Variants in DLGAP1 observed in about 807,000 individuals in gnomAD.
DLGAP1 encodes the protein DLG associated protein 1.
DLGAP1 carries 11 observed loss-of-function variants against 90.8 expected under a neutral mutation model. That is an observed-to-expected ratio of 0.12 (90% CI 0.08 to 0.20). The LOEUF (loss-of-function observed/expected upper bound fraction) is 0.20. Ranked by LOEUF, DLGAP1 falls within the 10% of genes least tolerant of loss-of-function variation. DLGAP1 has a pLI of 1.00. For missense variants in DLGAP1, 1,050 were observed against 1,333.8 expected, an observed-to-expected ratio of 0.79 and a Z score of 3.31; for synonymous variants, 558 against 540.7, an observed-to-expected ratio of 1.03 and a Z score of -0.44.
chr18:3,991,985 T>C (rs2073978940), intron 3 of DLGAP1, among the ~76,000 whole-genome samples: 2 of 152,224 alleles, frequency 1.3e-5, no homozygotes, highest in South Asian at 4.1e-4. Flanking sequence ...TTTTACATCA[T>C]AAAGTACTTC....
At position 3,587,803 on chromosome 18, in the gene DLGAP1, GTAACACTCACCA is replaced by G. The variant is rs1283966056; in HGVS notation, c.1592-5567_1592-5556del. Among the ~76,000 whole-genome samples the G allele has an allele frequency of 3.3e-5, 5 of 152,300 alleles. No homozygotes were observed. In the East Asian group the frequency reaches 9.7e-4, roughly 29 times the overall value. On this transcript the variant is annotated intron_variant, in intron 7 of 12. Transcript: ENST00000315677. ...TCCGCACACACCAGCTTTAAGAGCTGTAACACTCACCATGAGGGTCCGCGGCTTCATTCTTGA... is the reference window on the plus strand; with the variant it reads ...TCCGCACACACCAGCTTTAAGAGCTGTGAGGGTCCGCGGCTTCATTCTTGA...
chr18:3,597,070 T>G (rs1234862881), intron 7 of DLGAP1: 1 of 520,018 alleles, frequency 1.9e-6, no homozygotes, highest in South Asian at 1.4e-5. Flanking sequence ...TTCTTCTTCA[T>G]TCTTTTCACT....
intron 9 of DLGAP1, among the ~76,000 whole-genome samples, chr18:3,539,264 G>T (rs1265715081): frequency 1.3e-5 from 2 of 152,180 alleles, no homozygotes; most frequent in Non-Finnish European, 2.9e-5. Flanking sequence ...TTTTTTGAAA[G>T]AATTGATCAG....
chr18:4,077,811 C>T (rs12962966), intron 2 of DLGAP1, among the ~76,000 whole-genome samples: 19,591 of 152,178 alleles, frequency 0.13, 1,353 homozygotes, highest in Middle Eastern at 0.19. Context: ...AGTATACAGG[C>T]CCCAAATCCC....
chr18:3,742,949 TCTTCCTTCCTTCCTTC>T (rs143048862), intron 5 of DLGAP1, among the ~76,000 whole-genome samples: 15,910 of 142,706 alleles, frequency 0.11, 944 homozygotes, highest in South Asian at 0.17. Context: ...TATCAATTTA[TCTTCCTTCCTTCCTTC>T]CTTCCTTCCT....
chr18:3,611,456 C>T (rs2057622665), intron 7 of DLGAP1, among the ~76,000 whole-genome samples: 1 of 152,190 alleles, frequency 6.6e-6, no homozygotes, highest in Non-Finnish European at 1.5e-5. Context: ...CACAGCCTTC[C>T]AACGGCAGCT....
At chr18:4,109,293 C>T (rs557601768) in intron 2 of DLGAP1, among the ~76,000 whole-genome samples, 1 of 151,890 alleles carries the variant, frequency 6.6e-6, no homozygotes, top group Non-Finnish European at 1.5e-5. Context: ...TTATATTAGG[C>T]CCACTAAAAT....
At chr18:4,450,848 T>A (rs148031433) in intron 1 of DLGAP1, among the ~76,000 whole-genome samples, 1 of 152,316 alleles carries the variant, frequency 6.6e-6, no homozygotes, top group Non-Finnish European at 1.5e-5. Context: ...GTTTGCATCT[T>A]CATAACATAT....
At chr18:4,237,236 C>A (rs1241166592) in intron 1 of DLGAP1, among the ~76,000 whole-genome samples, 1 of 152,150 alleles carries the variant, frequency 6.6e-6, no homozygotes, top group Non-Finnish European at 1.5e-5. Flanking sequence ...ACCTGTAGAT[C>A]CTGCACTGGA....
At chr18:3,843,061 ATGCTGC>A (rs1200368873) in intron 4 of DLGAP1, among the ~76,000 whole-genome samples, 1 of 152,138 alleles carries the variant, frequency 6.6e-6, no homozygotes. Flanking sequence ...ATCTGTACTG[ATGCTGC>A]TGCCTCAGTC....
intron 1 of DLGAP1, among the ~76,000 whole-genome samples, chr18:4,390,298 C>G (rs1231321488): frequency 1.3e-5 from 2 of 152,088 alleles, no homozygotes; most frequent in Admixed American, 1.3e-4. Context: ...CCCACATGTT[C>G]ACAACACTAC....
At chr18:4,143,646 C>T (rs760169917) in intron 2 of DLGAP1, among the ~76,000 whole-genome samples, 2 of 151,948 alleles carry the variant, frequency 1.3e-5, no homozygotes, top group Non-Finnish European at 2.9e-5. Context: ...AAGACAAAGT[C>T]CACTTTACTT....
At chr18:4,204,976 T>C (rs1473289703) in intron 1 of DLGAP1, among the ~76,000 whole-genome samples, 1 of 152,106 alleles carries the variant, frequency 6.6e-6, no homozygotes, top group Non-Finnish European at 1.5e-5. Flanking sequence ...TCATACATAA[T>C]AATTTTGAAA....
chr18:4,131,490 A>G (rs2076316689), intron 2 of DLGAP1, among the ~76,000 whole-genome samples: 1 of 152,182 alleles, frequency 6.6e-6, no homozygotes, highest in Admixed American at 6.5e-5. Flanking sequence ...GCTTTTCTAG[A>G]ACAAAAGCAG....
intron 10 of DLGAP1, among the ~76,000 whole-genome samples, chr18:3,524,090 G>A (rs2051443014): frequency 6.6e-6 from 1 of 152,096 alleles, no homozygotes; most frequent in Non-Finnish European, 1.5e-5. Context: ...GCAACATAGT[G>A]AGATCTTGTA....
intron 10 of DLGAP1, among the ~76,000 whole-genome samples, chr18:3,528,707 G>A (rs1222981306): frequency 6.6e-6 from 1 of 152,154 alleles, no homozygotes; most frequent in East Asian, 1.9e-4. Context: ...TTCCTGGAGA[G>A]GGTTGCTACT....
At chr18:3,657,849 C>G (rs1339005066) in intron 7 of DLGAP1, among the ~76,000 whole-genome samples, 1 of 152,016 alleles carries the variant, frequency 6.6e-6, no homozygotes, top group East Asian at 1.9e-4. Context: ...CGTGATCCGC[C>G]CGCCTCGGCC....
intron 1 of DLGAP1, among the ~76,000 whole-genome samples, chr18:4,177,314 T>C (rs1208445280): frequency 6.6e-6 from 1 of 151,424 alleles, no homozygotes; most frequent in Non-Finnish European, 1.5e-5. Flanking sequence ...TTTTCATGAT[T>C]AAAACTTGAC....
chr18:4,222,868 G>A (rs1286334426), intron 1 of DLGAP1, among the ~76,000 whole-genome samples: 1 of 152,044 alleles, frequency 6.6e-6, no homozygotes, highest in Non-Finnish European at 1.5e-5. Context: ...CTAATTTGGG[G>A]GAGTTAAAAT....
Sources: gnomAD v4.1 joint callset for allele counts (sites outside exome capture counted in the v4.1 genomes callset) on GRCh38, gnomAD v4.1.1 for gene constraint, MANE v1.5 for transcripts, NCBI Gene and HGNC (gene_info 2026-07-23, HGNC 2026-07-21) for gene names.